ANKRD26: variants seen among roughly 807,000 people sequenced by gnomAD.
ANKRD26 encodes the protein ankyrin repeat domain 26.
ANKRD26 carries 141 observed loss-of-function variants against 208.7 expected under a neutral mutation model. The observed-to-expected ratio is 0.68, with a 90% CI of 0.59 to 0.78. The LOEUF is 0.78. ANKRD26 is among the 30% of genes least tolerant of loss of function. ANKRD26 has a pLI of 0.00. For missense variants in ANKRD26, 1,889 were observed against 1,938.7 expected, an observed-to-expected ratio of 0.97 and a Z score of 0.48; for synonymous variants, 636 against 660.4, an observed-to-expected ratio of 0.96 and a Z score of 0.57.
At chr10:27,040,290 A>G (rs1216636375) in intron 20 of ANKRD26, 112 bp from the exon 21 acceptor site, 1 of 776,456 alleles carries the variant, frequency 1.3e-6, no homozygotes, top group Non-Finnish European at 2.1e-6. Context: ...TTGAGGGCCT[A>G]CAATGTGGAA....
At position 27,060,366 on chromosome 10, in the gene ANKRD26, C is replaced by T; in HGVS notation, c.1543G>A (p.Asp515Asn). The T allele has an allele frequency of 6.2e-7, 1 of 1,612,322 alleles. No homozygotes were observed. Among genetic ancestry groups the T allele is most frequent in the African/African-American group, 1.3e-5 (1 of 74,964 alleles). The change falls in exon 15 of 34, where the codon GAT becomes AAT. Residue 515 changes from aspartate to asparagine, a missense_variant. Physicochemically the swap from Asp to Asn is conservative, Grantham distance 23. Around this residue, in one of 3 missense-constraint regions of ANKRD26, gnomAD observed 1,272 missense variants for 1,273.8 expected, o/e 1.00. Coordinates refer to ENST00000376087, the MANE Select transcript of ANKRD26 (RefSeq NM_014915.3). Reference protein sequence around the residue: ...SVPNKAGGMKDVQTSKAAEHD... With the variant: ...SVPNKAGGMKNVQTSKAAEHD... ...TTACCTGCTTTGGATGTTTGTACATCCTTCATTCCTCCTGCTTTATTTGGA... is the reference window on the plus strand; with the variant it reads ...TTACCTGCTTTGGATGTTTGTACATTCTTCATTCCTCCTGCTTTATTTGGA...
chr10:27,100,044 T>C, intron 1 of ANKRD26, 41 bp downstream of exon 1: 1 of 1,612,042 alleles, frequency 6.2e-7, no homozygotes, highest in Non-Finnish European at 8.5e-7. Flanking sequence ...CCTGCCCGCC[T>C]ACTCCAGTGG....
intron 9 of ANKRD26, among the ~76,000 whole-genome samples, chr10:27,072,312 C>T (rs930955662): frequency 6.6e-6 from 1 of 152,182 alleles, no homozygotes; most frequent in Non-Finnish European, 1.5e-5. Context: ...CTGATATCCC[C>T]AGCTCCTTCT....
intron 18 of ANKRD26, 82 bp downstream of exon 18, chr10:27,046,271 G>T: frequency 7.6e-7 from 1 of 1,323,956 alleles, no homozygotes; most frequent in Non-Finnish European, 1.1e-6. Flanking sequence ...CTCTAGCTTT[G>T]GGAGACTACA....
At chr10:27,074,728 T>G (rs1470596033) in intron 9 of ANKRD26, among the ~76,000 whole-genome samples, 1 of 151,952 alleles carries the variant, frequency 6.6e-6, no homozygotes, top group Non-Finnish European at 1.5e-5. Context: ...CTATGCCAAA[T>G]AGAAGTAAGA....
At position 27,063,947 on chromosome 10, in the gene ANKRD26, C is replaced by T. The variant is rs774483659; in HGVS notation, c.1363+41G>A. 15 of 1,469,206 alleles carry T rather than the reference C, an allele frequency of 1.0e-5. No homozygotes were observed. In the East Asian group the frequency reaches 2.7e-4, roughly 27 times the overall value. 91.0% of individuals were successfully genotyped at this position (1,469,206 alleles called of 1,614,324 possible). On this transcript the variant is annotated intron_variant, in intron 12 of 33. Coordinates refer to ENST00000376087, the MANE Select transcript of ANKRD26 (RefSeq NM_014915.3). Reference sequence around the variant, plus strand: ...CAACAGTCATGTTTTTAAATAAACACTCTGTCCAATGGCTTTTTAAAAATG... The same window carrying T: ...CAACAGTCATGTTTTTAAATAAACATTCTGTCCAATGGCTTTTTAAAAATG...
chr10:26,973,103 CT>C (rs2052174371), downstream of ANKRD26, among the ~76,000 whole-genome samples: 3 of 152,034 alleles, frequency 2.0e-5, no homozygotes, highest in African/African-American at 7.2e-5. Context: ...CGATATATAC[CT>C]GTTAAAACAA....
intron 5 of ANKRD26, among the ~76,000 whole-genome samples, chr10:27,084,419 T>A (rs1446362133): frequency 6.6e-6 from 1 of 152,136 alleles, no homozygotes; most frequent in African/African-American, 2.4e-5. Flanking sequence ...CCAAAACTAA[T>A]CTGTTCCATA....
downstream of ANKRD26, among the ~76,000 whole-genome samples, chr10:26,971,485 G>T (rs564854762): frequency 9.9e-5 from 15 of 152,004 alleles, no homozygotes; most frequent in Admixed American, 1.3e-4. Context: ...GACCAGTCTG[G>T]CCAACATGGT....
the ANKRD26 span, among the ~76,000 whole-genome samples, chr10:26,955,702 T>G: frequency 2.0e-5 from 3 of 151,952 alleles, no homozygotes; most frequent in Non-Finnish European, 1.5e-5. Context: ...ATAAAGAAAA[T>G]AGTGACTTGA....
intron 3 of ANKRD26, among the ~76,000 whole-genome samples, chr10:26,984,494 T>C (rs560608707): frequency 1.2e-4 from 19 of 152,154 alleles, no homozygotes; most frequent in Non-Finnish European, 1.9e-4. Context: ...GACCCTTCCA[T>C]TGGGGATTAA....
chr10:27,001,441 G>A (rs188493363), downstream of ANKRD26, among the ~76,000 whole-genome samples: 8 of 152,294 alleles, frequency 5.3e-5, no homozygotes, highest in East Asian at 5.8e-4. Flanking sequence ...GGTCCTGGGC[G>A]GGTCTTCCAG....
At chr10:27,020,874 TGGTCTCG>T in intron 29 of ANKRD26, among the ~76,000 whole-genome samples, 1 of 152,312 alleles carries the variant, frequency 6.6e-6, no homozygotes, top group East Asian at 1.9e-4. Flanking sequence ...TTGTCAAGGC[TGGTCTCG>T]GAACTCCTGA....
intron 20 of ANKRD26, among the ~76,000 whole-genome samples, chr10:27,040,711 A>C (rs1388196639): frequency 6.6e-6 from 1 of 152,138 alleles, no homozygotes; most frequent in Admixed American, 6.6e-5. Flanking sequence ...CAGGCAATGA[A>C]CACAAGGATC....
At chr10:26,949,791 C>T in the ANKRD26 span, among the ~76,000 whole-genome samples, 1 of 152,176 alleles carries the variant, frequency 6.6e-6, no homozygotes, top group Non-Finnish European at 1.5e-5. Flanking sequence ...GTGTGACCCA[C>T]CGTGCCCAGC....
intron 23 of ANKRD26, among the ~76,000 whole-genome samples, chr10:27,036,559 T>C (rs2054052194): frequency 6.6e-6 from 1 of 152,132 alleles, no homozygotes; most frequent in Non-Finnish European, 1.5e-5. Flanking sequence ...TTGTTTCCTC[T>C]TCATAATGTT....
intron 7 of ANKRD26, among the ~76,000 whole-genome samples, chr10:27,078,362 G>A (rs369126794): frequency 6.6e-6 from 1 of 152,042 alleles, no homozygotes; most frequent in East Asian, 1.9e-4. Context: ...GACATGGACT[G>A]AAATAACAGA....
chr10:26,950,582 T>C, the ANKRD26 span, among the ~76,000 whole-genome samples: 1 of 152,256 alleles, frequency 6.6e-6, no homozygotes, highest in African/African-American at 2.4e-5. Context: ...TTTAAAAGTG[T>C]GTGGCACCTC....
chr10:26,953,448 T>C, the ANKRD26 span, among the ~76,000 whole-genome samples: 1,877 of 152,248 alleles, frequency 0.012, 16 homozygotes, highest in Non-Finnish European at 0.019. Context: ...AATAAATAAA[T>C]AATCCTATGT....
Sources: gnomAD v4.1 joint callset for allele counts (sites outside exome capture counted in the v4.1 genomes callset) on GRCh38, gnomAD v4.1.1 for gene constraint, gnomAD v4.1.1 regional missense constraint, MANE v1.5 for transcripts, NCBI Gene and HGNC (gene_info 2026-07-23, HGNC 2026-07-21) for gene names.